ANKRD6: variants seen among roughly 807,000 people sequenced by gnomAD.
ANKRD6 encodes ankyrin repeat domain-containing protein 6.
In ANKRD6, 56 loss-of-function variants were observed where a neutral mutation model predicts 82.3. That is an observed-to-expected ratio of 0.68 (90% CI 0.55 to 0.85). The LOEUF is 0.85. ANKRD6 is among the 40% of genes least tolerant of loss of function. The pLI is 0.00. For missense variants in ANKRD6, 852 were observed against 907.6 expected (o/e 0.94, Z 0.79); for synonymous variants, 347 against 352.1 (o/e 0.99, Z 0.16).
intron 1 of ANKRD6, among the ~76,000 whole-genome samples, chr6:89,491,119 G>A (rs1053041051): frequency 5.9e-5 from 9 of 152,228 alleles, no homozygotes; most frequent in African/African-American, 2.2e-4. Context: ...CTTCCAGAGG[G>A]AACACAGCTC....
At chr6:89,582,379 C>T (rs551274855) in intron 2 of ANKRD6, among the ~76,000 whole-genome samples, 5 of 152,088 alleles carry the variant, frequency 3.3e-5, no homozygotes, top group South Asian at 2.1e-4. Context: ...TTTGTGGAGA[C>T]GGGGTCTTGC....
At chr6:89,458,525 G>T (rs369084534) in intron 1 of ANKRD6, among the ~76,000 whole-genome samples, 1 of 152,264 alleles carries the variant, frequency 6.6e-6, no homozygotes. Context: ...GCAAATCACT[G>T]GTGTAAGTCC....
At chr6:89,559,898 T>G (rs558509997) in intron 1 of ANKRD6, among the ~76,000 whole-genome samples, 1 of 152,292 alleles carries the variant, frequency 6.6e-6, no homozygotes, top group South Asian at 2.1e-4. Flanking sequence ...AAAGATTAGT[T>G]GACTAGGTGA....
intron 3 of ANKRD6, among the ~76,000 whole-genome samples, chr6:89,599,262 A>C (rs1215653686): frequency 1.3e-5 from 2 of 152,152 alleles, no homozygotes; most frequent in African/African-American, 2.4e-5. Flanking sequence ...GGTCCCAGCT[A>C]CTCAGGAGGC....
chr6:89,543,280 A>AT (rs1784649228), intron 1 of ANKRD6, among the ~76,000 whole-genome samples: 1 of 152,112 alleles, frequency 6.6e-6, no homozygotes, highest in African/African-American at 2.4e-5. Flanking sequence ...TATAGATATT[A>AT]TTTTTCTGTG....
intron 2 of ANKRD6, among the ~76,000 whole-genome samples, chr6:89,591,132 C>A (rs1794815509): frequency 6.6e-6 from 1 of 152,076 alleles, no homozygotes; most frequent in African/African-American, 2.4e-5. Context: ...AGGAGAAGGT[C>A]TTATTCTGTT....
At chr6:89,549,988 CA>C (rs1785623070) in intron 1 of ANKRD6, among the ~76,000 whole-genome samples, 2 of 152,014 alleles carry the variant, frequency 1.3e-5, no homozygotes, top group African/African-American at 4.8e-5. Context: ...CCTAGCTACT[CA>C]GGAGGCTGAG....
At chr6:89,488,728 T>A (rs923191137) in intron 1 of ANKRD6, among the ~76,000 whole-genome samples, 4 of 152,216 alleles carry the variant, frequency 2.6e-5, no homozygotes, top group African/African-American at 9.6e-5. Context: ...ATTGAATACT[T>A]GACTCATTTT....
chr6:89,615,456 G>T (rs1801324730), intron 7 of ANKRD6, among the ~76,000 whole-genome samples: 1 of 152,186 alleles, frequency 6.6e-6, no homozygotes, highest in South Asian at 2.1e-4. Context: ...TTCAACCTTG[G>T]CAGCGTGTCA....
chr6:89,568,562 G>A (rs1257990076), intron 2 of ANKRD6, among the ~76,000 whole-genome samples: 1 of 151,822 alleles, frequency 6.6e-6, no homozygotes, highest in African/African-American at 2.4e-5. Context: ...CCCCAAATTC[G>A]TTTTTTTCAA....
intron 1 of ANKRD6, among the ~76,000 whole-genome samples, chr6:89,555,477 T>C (rs1389508946): frequency 6.6e-6 from 1 of 152,112 alleles, no homozygotes; most frequent in African/African-American, 2.4e-5. Flanking sequence ...AGAAACTTGC[T>C]CAAAATCAGT....
At chr6:89,616,411 C>T in intron 7 of ANKRD6, 148 bp from the exon 8 acceptor site, 1 of 657,152 alleles carries the variant, frequency 1.5e-6, no homozygotes, top group Non-Finnish European at 2.7e-6. Flanking sequence ...TAAGTAGAGC[C>T]TCATAACGCT....
chr6:89,542,028 T>TA (rs1404972330), intron 1 of ANKRD6, among the ~76,000 whole-genome samples: 1 of 152,108 alleles, frequency 6.6e-6, no homozygotes, highest in African/African-American at 2.4e-5. Flanking sequence ...AATCTATGAA[T>TA]AAAAAATTGG....
chr6:89,476,862 A>G (rs1298823978), intron 1 of ANKRD6, among the ~76,000 whole-genome samples: 1 of 152,186 alleles, frequency 6.6e-6, no homozygotes, highest in Admixed American at 6.5e-5. Flanking sequence ...CAACCATGCT[A>G]TTTGTGAACA....
At chr6:89,531,314 T>C (rs1309220539) in intron 1 of ANKRD6, among the ~76,000 whole-genome samples, 1 of 152,242 alleles carries the variant, frequency 6.6e-6, no homozygotes, top group African/African-American at 2.4e-5. Context: ...ATAAATATGC[T>C]CAAATGGAGA....
intron 1 of ANKRD6, among the ~76,000 whole-genome samples, chr6:89,511,387 C>A (rs952591031): frequency 6.6e-6 from 1 of 152,214 alleles, no homozygotes; most frequent in Non-Finnish European, 1.5e-5. Context: ...CTACCCCTAC[C>A]TGCAGACCCA....
chr6:89,459,177 C>A lies in ANKRD6; in HGVS notation c.-144+25802C>A, dbSNP rs371214965. Among the ~76,000 whole-genome samples, 19 of 152,268 alleles carry A rather than the reference C, an allele frequency of 1.2e-4. No homozygotes were observed. The East Asian group carries it at 2.9e-3, about 23-fold the overall frequency. ...CACTGCAACCTCCGTCTCCTGGGTT[C>A]AAACGATTCTCCTGCCTCAGCCTCC... is the stretch of plus-strand genomic sequence containing the variant. On this transcript the variant is annotated intron_variant, in intron 1 of 15. Coordinates refer to ENST00000339746, the MANE Select transcript of ANKRD6 (RefSeq NM_001242809.2).
chr6:89,612,179 TC>T (rs1800392815), intron 5 of ANKRD6, 92 bp from the exon 6 acceptor site: 2 of 1,148,068 alleles, frequency 1.7e-6, no homozygotes, highest in African/African-American at 3.1e-5. Flanking sequence ...CGTTGCCTTT[TC>T]CCCCGAGTAA....
intron 1 of ANKRD6, among the ~76,000 whole-genome samples, chr6:89,536,655 G>A (rs147119702): frequency 9.2e-5 from 14 of 152,330 alleles, no homozygotes; most frequent in Admixed American, 2.6e-4. Context: ...GTGTGTCTGC[G>A]CGTGCGCTGT....
Sources: gnomAD v4.1 joint callset for allele counts (sites outside exome capture counted in the v4.1 genomes callset) on GRCh38, gnomAD v4.1.1 for gene constraint, MANE v1.5 for transcripts, NCBI Gene and HGNC (gene_info 2026-07-23, HGNC 2026-07-21) for gene names.